The following NINJ2 variants were observed in gnomAD, a reference collection of about 807,000 sequenced individuals.
NINJ2 encodes the protein ninjurin 2, also known as ninjurin-2.
A neutral mutation model predicts 11.7 loss-of-function variants in NINJ2; 12 were observed. The observed-to-expected ratio is 1.02, with a 90% CI of 0.66 to 1.66. NINJ2 has a LOEUF of 1.66. NINJ2 is among the 40% of genes most tolerant of loss of function. NINJ2 has a pLI of 0.00. For missense variants in NINJ2, 187 were observed against 181.8 expected, an observed-to-expected ratio of 1.03 and a Z score of -0.16; for synonymous variants, 93 against 76.8, an observed-to-expected ratio of 1.21 and a Z score of -1.10.
chr12:570,865 A>ACTT (rs1446604785), intron 1 of NINJ2, among the ~76,000 whole-genome samples: 14 of 152,176 alleles, frequency 9.2e-5, no homozygotes, highest in Non-Finnish European at 1.6e-4. Context: ...TGGGCTTGGA[A>ACTT]CTTTGGTGCT....
intron 1 of NINJ2, among the ~76,000 whole-genome samples, chr12:607,615 G>A (rs1043733661): frequency 1.3e-5 from 2 of 152,220 alleles, no homozygotes; most frequent in African/African-American, 4.8e-5. Context: ...CATTGGCTGT[G>A]AGTGAGTGAT....
intron 1 of NINJ2, among the ~76,000 whole-genome samples, chr12:571,927 C>T (rs1947382180): frequency 6.6e-6 from 1 of 152,218 alleles, no homozygotes; most frequent in South Asian, 2.1e-4. Context: ...GCCCGCAGAT[C>T]AGTGTGTTTA....
chr12:649,151 A>G (rs1024625991), intron 1 of NINJ2, among the ~76,000 whole-genome samples: 6 of 151,216 alleles, frequency 4.0e-5, no homozygotes, highest in African/African-American at 1.5e-4. Flanking sequence ...GGTTCAAGTG[A>G]TTCTCCTGCC....
intron 1 of NINJ2, among the ~76,000 whole-genome samples, chr12:639,054 C>T: frequency 1.3e-5 from 2 of 152,090 alleles, no homozygotes; most frequent in East Asian, 3.8e-4. Context: ...CAATCAGGCA[C>T]AGTACAAAAC....
rs1232540881 is a variant in NINJ2 at position 607,650 on chromosome 12, T to G, written c.34-41472A>C. ...TTGACAGTCAGATCCGGTATGATGCTTGGCTGGGGGAATGCTGAGCTAATG... is the reference window on the plus strand; with the variant it reads ...TTGACAGTCAGATCCGGTATGATGCGTGGCTGGGGGAATGCTGAGCTAATG... On this transcript the variant is annotated intron_variant, in intron 1 of 3. Transcript: ENST00000305108. 2.0e-5 allele frequency among the ~76,000 whole-genome samples: 3 copies of G among 152,208 alleles called. No individual in the cohort carries two copies. The East Asian group carries it at 5.8e-4, about 29-fold the overall frequency.
At chr12:634,338 C>A (rs1948320575) in intron 1 of NINJ2, among the ~76,000 whole-genome samples, 1 of 133,746 alleles carries the variant, frequency 7.5e-6, no homozygotes, top group Admixed American at 9.0e-5. Flanking sequence ...CGGCTCACTG[C>A]AACCTCCGCC....
chr12:649,492 T>C (rs1937753346), intron 1 of NINJ2, among the ~76,000 whole-genome samples: 1 of 148,188 alleles, frequency 6.7e-6, no homozygotes, highest in African/African-American at 2.5e-5. Flanking sequence ...TTATTTTTTA[T>C]GGTAATCAGA....
chr12:651,304 G>A (rs1378852095), intron 1 of NINJ2, among the ~76,000 whole-genome samples: 3 of 152,160 alleles, frequency 2.0e-5, no homozygotes, highest in African/African-American at 4.8e-5. Flanking sequence ...AACTTTGCTG[G>A]GGTTTTATTA....
At chr12:612,535 A>G (rs1262220622) in intron 1 of NINJ2, among the ~76,000 whole-genome samples, 2 of 152,180 alleles carry the variant, frequency 1.3e-5, no homozygotes, top group African/African-American at 4.8e-5. Flanking sequence ...ACATGAACCA[A>G]GATGCACCAG....
In NINJ2 at chr12:567,523, A is replaced by G. The variant is rs559474255; in HGVS notation, c.34-1345T>C. On this transcript the variant is annotated intron_variant, in intron 1 of 3. Transcript: ENST00000305108. ...GATGGAGAGATTGGTGGGTGGATGG[A>G]TGGATGCGTGGATGATTGGATAGGC... Among the ~76,000 whole-genome samples, 156 of 152,316 alleles carry G rather than the reference A, an allele frequency of 1.0e-3. 1 individual carries two copies. The highest frequency in any genetic ancestry group is 3.5e-3 in the African/African-American group (146 of 41,566).
chr12:624,990 TC>T (rs1948196193), intron 1 of NINJ2, among the ~76,000 whole-genome samples: 1 of 150,318 alleles, frequency 6.7e-6, no homozygotes, highest in South Asian at 2.1e-4. Flanking sequence ...GCACCTATAA[TC>T]CCGGCTACTT....
intron 1 of NINJ2, among the ~76,000 whole-genome samples, chr12:660,260 C>T (rs1243937812): frequency 6.9e-6 from 1 of 144,440 alleles, no homozygotes; most frequent in Non-Finnish European, 1.5e-5. Context: ...TGCACTCCTG[C>T]CTGTGTGACA....
At chr12:617,729 T>G (rs1202482966) in intron 1 of NINJ2, among the ~76,000 whole-genome samples, 1 of 152,206 alleles carries the variant, frequency 6.6e-6, no homozygotes, top group East Asian at 1.9e-4. Flanking sequence ...CGTTCTGGTT[T>G]CCTCATCTCA....
chr12:600,796 C>T (rs1223573682), intron 1 of NINJ2, among the ~76,000 whole-genome samples: 1 of 151,908 alleles, frequency 6.6e-6, no homozygotes, highest in Non-Finnish European at 1.5e-5. Context: ...ATCCTCCCAC[C>T]TCGGCCTCCA....
intron 1 of NINJ2, among the ~76,000 whole-genome samples, chr12:631,568 T>C (rs1164791353): frequency 1.3e-5 from 2 of 152,136 alleles, no homozygotes; most frequent in Non-Finnish European, 2.9e-5. Flanking sequence ...TTCACCATGT[T>C]GGCCAGGATG....
rs141295206 is a variant in NINJ2 at position 577,557 on chromosome 12, G to T, written c.34-11379C>A. On this transcript the variant is annotated intron_variant, in intron 1 of 3. Transcript: ENST00000305108. ...GTAGTCCCATTCTACAAGTGAAGAAGTTGAGGCTCAAAGAGGTCAAATGCC... is the reference window on the plus strand; with the variant it reads ...GTAGTCCCATTCTACAAGTGAAGAATTTGAGGCTCAAAGAGGTCAAATGCC... Among the ~76,000 whole-genome samples, 879 of 150,702 alleles carry T rather than the reference G, an allele frequency of 5.8e-3. 4 individuals carry two copies. The highest frequency in any genetic ancestry group is 9.0e-3 in the Non-Finnish European group (611 of 67,760).
In NINJ2 at chr12:580,661, C is replaced by T. The variant is rs1348246946; in HGVS notation, c.34-14483G>A. ...TTCAGAAGAGACTTCAAAGGCAGGA[C>T]CAGGGTGAGCTGAACTCCATGAACC... On this transcript the variant is annotated intron_variant, in intron 1 of 3. Transcript: ENST00000305108. This position sits in a 1 kb window ranked among gnomAD's most constrained non-coding sequence, Gnocchi z 4.7. 1.3e-5 allele frequency among the ~76,000 whole-genome samples: 2 copies of T among 152,046 alleles called. No individual in the cohort carries two copies. Among genetic ancestry groups the T allele is most frequent in the African/African-American group, 4.8e-5 (2 of 41,384 alleles).
At chr12:647,994 A>G (rs1388885228) in intron 1 of NINJ2, among the ~76,000 whole-genome samples, 1 of 152,194 alleles carries the variant, frequency 6.6e-6, no homozygotes, top group African/African-American at 2.4e-5. Flanking sequence ...ACCACTGGGT[A>G]GTTGGGAGGA....
At chr12:567,021 T>G (rs1287380841) in intron 1 of NINJ2, among the ~76,000 whole-genome samples, 1 of 152,180 alleles carries the variant, frequency 6.6e-6, no homozygotes, top group Admixed American at 6.5e-5. Flanking sequence ...GATTTAGCAG[T>G]GGTGCTTGGA....
Sources: allele counts gnomAD v4.1 joint callset (sites outside exome capture counted in the v4.1 genomes callset), GRCh38; gene constraint gnomAD v4.1.1; non-coding constraint Gnocchi (gnomAD v3.1); transcripts MANE v1.5; gene names NCBI Gene and HGNC (gene_info 2026-07-23, HGNC 2026-07-21).